ATXN7: variants seen among roughly 807,000 people sequenced by gnomAD.
The protein encoded by ATXN7 is ataxin-7.
In ATXN7, 12 loss-of-function variants were observed where a neutral mutation model predicts 70.5. The observed-to-expected ratio is 0.17, with a 90% confidence interval of 0.11 to 0.28. The LOEUF (loss-of-function observed/expected upper bound fraction) is 0.28. Among genes scored for constraint, ATXN7 ranks in the 10% least tolerant of loss-of-function variants. The pLI, the probability that ATXN7 is intolerant of heterozygous loss-of-function variation, is 1.00. For missense variants in ATXN7, 1,256 were observed against 1,131.7 expected (o/e 1.11, Z -1.58); for synonymous variants, 498 against 448.7 (o/e 1.11, Z -1.39).
intron 5 of ATXN7, among the ~76,000 whole-genome samples, chr3:63,964,021 T>C (rs1196551443): frequency 6.6e-6 from 1 of 152,088 alleles, no homozygotes. Context: ...TTTATTTTTC[T>C]AAGCTTCCAT....
At chr3:63,863,156 C>T (rs1702269938), upstream of ATXN7, 2 of 152,770 alleles carry the variant, frequency 1.3e-5, no homozygotes, top group Non-Finnish European at 2.9e-5. Context: ...CCACAATCCA[C>T]TCGCAGTTCA....
chr3:63,996,511 G>C, intron 12 of ATXN7, 28 bp downstream of exon 12: 1 of 1,603,592 alleles, frequency 6.2e-7, no homozygotes, highest in African/African-American at 1.3e-5. Flanking sequence ...AGCCCCATGG[G>C]AATGCCCATT....
chr3:63,967,845 G>A, intron 5 of ATXN7: 2 of 1,528,386 alleles, frequency 1.3e-6, no homozygotes, highest in East Asian at 2.5e-5. Flanking sequence ...GAGTTGGTGG[G>A]CAGACCCAAA....
intron 5 of ATXN7, 80 bp downstream of exon 5, chr3:63,952,563 T>C (rs1039853668): frequency 1.1e-6 from 1 of 943,500 alleles, no homozygotes; most frequent in Non-Finnish European, 1.6e-6. Flanking sequence ...AGTGATGGCA[T>C]GCATGGGACA....
intron 2 of ATXN7, among the ~76,000 whole-genome samples, chr3:63,907,576 A>G (rs1326830521): frequency 6.2e-5 from 9 of 146,142 alleles, no homozygotes; most frequent in Admixed American, 4.9e-4. Context: ...CCTCCCCCTC[A>G]GCCTCCCGAG....
intron 4 of ATXN7, among the ~76,000 whole-genome samples, chr3:63,922,112 G>T (rs1704533297): frequency 6.6e-6 from 1 of 151,770 alleles, no homozygotes; most frequent in African/African-American, 2.4e-5. Flanking sequence ...ATGGCTCACT[G>T]CAGGCTTGAC....
intron 4 of ATXN7, among the ~76,000 whole-genome samples, chr3:63,915,224 C>T (rs193181612): frequency 3.3e-5 from 5 of 152,252 alleles, no homozygotes; most frequent in South Asian, 4.1e-4. Flanking sequence ...TGTGAGCCAC[C>T]GCCTGGCCCT....
Position 64,003,179 on chromosome 3 carries a change from G to A in ATXN7, c.*3712G>A, listed in dbSNP as rs1211346933. On this transcript the variant is annotated 3_prime_UTR_variant, in exon 13 of 13. Transcript: ENST00000674280. Reference sequence around the variant, plus strand: ...AATGAGCACTACATACTGTCAGTGTGAATGTAGGGCCTTGAAAGCATTTTG... The same window carrying A: ...AATGAGCACTACATACTGTCAGTGTAAATGTAGGGCCTTGAAAGCATTTTG... 6.9e-6 allele frequency: 1 copy of A among 145,284 alleles called. No homozygotes were observed. Among genetic ancestry groups the A allele is most frequent in the Non-Finnish European group, 1.5e-5 (1 of 66,552 alleles). The allele number at this position is 145,284 out of a possible 1,614,324, so 9.0% of individuals were successfully genotyped here.
intron 1 of ATXN7, among the ~76,000 whole-genome samples, chr3:63,897,089 G>A (rs1294110030): frequency 1.3e-5 from 2 of 152,158 alleles, no homozygotes; most frequent in Admixed American, 6.5e-5. Context: ...ATGACAATTT[G>A]TAATTAGCTT....
chr3:63,925,650 A>G (rs946537685), intron 4 of ATXN7, among the ~76,000 whole-genome samples: 4 of 152,182 alleles, frequency 2.6e-5, no homozygotes, highest in Non-Finnish European at 4.4e-5. Context: ...GCACCCTTAG[A>G]AGAAAATGTA....
At chr3:63,871,792 A>G (rs1323891934) in intron 1 of ATXN7, among the ~76,000 whole-genome samples, 2 of 152,206 alleles carry the variant, frequency 1.3e-5, no homozygotes, top group Non-Finnish European at 2.9e-5. Flanking sequence ...ATCTGTTTTA[A>G]TTATTAAATT....
Position 63,945,908 on chromosome 3 carries a change from GT to G in ATXN7, c.395-6470del, listed in dbSNP as rs375300855. Among the ~76,000 whole-genome samples the G allele has an allele frequency of 2.4e-4, 37 of 152,346 alleles. 1 individual carries two copies. Among genetic ancestry groups the G allele is most frequent in the African/African-American group, 8.7e-4 (36 of 41,576 alleles). On this transcript the variant is annotated intron_variant, in intron 4 of 12. Coordinates refer to ENST00000674280, the MANE Select transcript of ATXN7 (RefSeq NM_001377405.1). ...AGCAGCAAGTACCACACAGGATTCT[GT>G]GACGAGAGTGTGGTGTAGTTCAGGA...
chr3:63,941,558 C>T (rs902862024), intron 4 of ATXN7, among the ~76,000 whole-genome samples: 1 of 152,164 alleles, frequency 6.6e-6, no homozygotes, highest in African/African-American at 2.4e-5. Context: ...AAACTGTTCC[C>T]TGGTGCCAGA....
chr3:63,889,264 G>A (rs900149326), intron 1 of ATXN7, among the ~76,000 whole-genome samples: 1 of 152,138 alleles, frequency 6.6e-6, no homozygotes, highest in Non-Finnish European at 1.5e-5. Context: ...TGAAGAGCAG[G>A]AATAAGAAGT....
intron 12 of ATXN7, chr3:63,997,542 C>A: frequency 1.6e-6 from 2 of 1,225,398 alleles, no homozygotes; most frequent in Non-Finnish European, 2.3e-6. Flanking sequence ...CTGTTACTGA[C>A]CTCACCTGTA....
intron 5 of ATXN7, among the ~76,000 whole-genome samples, chr3:63,979,358 C>A (rs949273715): frequency 3.3e-5 from 5 of 152,152 alleles, no homozygotes; most frequent in Admixed American, 6.5e-5. Context: ...TGGAAAATTT[C>A]AGCACAGATT....
intron 4 of ATXN7, among the ~76,000 whole-genome samples, chr3:63,940,285 T>TCTCACA (rs1403266679): frequency 7.1e-6 from 1 of 141,442 alleles, no homozygotes; most frequent in African/African-American, 2.6e-5. Context: ...CCATGCCCCA[T>TCTCACA]CACACACACA....
chr3:63,914,244 T>C (rs1178043808), intron 4 of ATXN7, among the ~76,000 whole-genome samples: 1 of 152,232 alleles, frequency 6.6e-6, no homozygotes, highest in Non-Finnish European at 1.5e-5. Context: ...TGTTACTGTC[T>C]TCACATTTCC....
chr3:63,993,070 T>C (rs946082850), intron 11 of ATXN7, among the ~76,000 whole-genome samples: 2 of 152,158 alleles, frequency 1.3e-5, no homozygotes, highest in African/African-American at 2.4e-5. Flanking sequence ...GAATTGAGTA[T>C]GAAATGAGTA....
Sources: allele counts gnomAD v4.1 joint callset (sites outside exome capture counted in the v4.1 genomes callset), GRCh38; gene constraint gnomAD v4.1.1; transcripts MANE v1.5; gene names NCBI Gene and HGNC (gene_info 2026-07-23, HGNC 2026-07-21).